Variants in PHF20 observed in about 807,000 individuals in gnomAD.
The protein encoded by PHF20 is glioma-expressed antigen 2.
PHF20 carries 23 observed loss-of-function variants against 113.5 expected under a neutral mutation model. The ratio of observed to expected loss-of-function variants is 0.20; its 90% CI spans 0.15 to 0.29. The LOEUF (loss-of-function observed/expected upper bound fraction) is 0.29, where lower values mean the gene tolerates loss of function less well. PHF20 is among the 10% of genes least tolerant of loss of function. The pLI is 1.00. For missense variants in PHF20, 943 were observed against 1,219.6 expected (o/e 0.77, Z 3.38); for synonymous variants, 434 against 457.3 (o/e 0.95, Z 0.65).
chr20:35,793,446 C>T (rs891983388), intron 1 of PHF20, among the ~76,000 whole-genome samples: 9 of 151,602 alleles, frequency 5.9e-5, no homozygotes, highest in Non-Finnish European at 1.2e-4. Flanking sequence ...ACTACAGGTG[C>T]CCACCACTAA....
At chr20:35,847,583 G>A (rs993207754) in intron 4 of PHF20, 149 bp downstream of exon 4, 5 of 561,002 alleles carry the variant, frequency 8.9e-6, no homozygotes, top group South Asian at 4.5e-5. Context: ...GTCAGGAGTT[G>A]GGTAGAAATT....
At chr20:35,859,184 CTGT>C (rs1360814177) in intron 5 of PHF20, among the ~76,000 whole-genome samples, 1 of 152,118 alleles carries the variant, frequency 6.6e-6, no homozygotes, top group African/African-American at 2.4e-5. Flanking sequence ...TTTTGGTATC[CTGT>C]TGTTCCAGTC....
At chr20:35,940,014 C>T (rs550444631) in intron 16 of PHF20, among the ~76,000 whole-genome samples, 21 of 152,176 alleles carry the variant, frequency 1.4e-4, no homozygotes, top group Admixed American at 4.6e-4. Flanking sequence ...TGATTCTGAG[C>T]GGGTTACTTC....
intron 2 of PHF20, among the ~76,000 whole-genome samples, chr20:35,805,860 A>G (rs954018157): frequency 1.3e-5 from 2 of 150,974 alleles, no homozygotes; most frequent in South Asian, 4.2e-4. Context: ...TATTTTTTTC[A>G]GTTCTTTTTT....
At chr20:35,877,547 T>C (rs2054553571) in intron 9 of PHF20, among the ~76,000 whole-genome samples, 1 of 151,568 alleles carries the variant, frequency 6.6e-6, no homozygotes, top group Admixed American at 6.6e-5. Flanking sequence ...CCTCCCAGGT[T>C]CAAGTGATTC....
intron 10 of PHF20, among the ~76,000 whole-genome samples, chr20:35,909,275 A>G (rs1314509686): frequency 1.8e-3 from 1 of 564 alleles, no homozygotes; most frequent in Admixed American, 0.022. Flanking sequence ...AGTGGCAAAA[A>G]CAGCAATTCT....
At chr20:35,776,833 C>A (rs1383793765) in intron 1 of PHF20, among the ~76,000 whole-genome samples, 1 of 152,180 alleles carries the variant, frequency 6.6e-6, no homozygotes, top group Admixed American at 6.5e-5. Context: ...CCTGCTTCTC[C>A]CCATTTGTAA....
At chr20:35,844,417 G>GT (rs1491291994) in intron 3 of PHF20, among the ~76,000 whole-genome samples, 23 of 127,752 alleles carry the variant, frequency 1.8e-4, no homozygotes, top group Non-Finnish European at 3.2e-4. Context: ...TTTTTTTTTG[G>GT]TTTTTTTTTT....
intron 9 of PHF20, among the ~76,000 whole-genome samples, chr20:35,889,038 A>T (rs1331273305): frequency 7.4e-6 from 1 of 134,802 alleles, no homozygotes; most frequent in Non-Finnish European, 1.6e-5. Flanking sequence ...TTTTTTTGAA[A>T]TGGAGTCTCG....
intron 6 of PHF20, among the ~76,000 whole-genome samples, chr20:35,868,013 G>T (rs1432137265): frequency 1.3e-5 from 2 of 152,128 alleles, no homozygotes; most frequent in Non-Finnish European, 2.9e-5. Flanking sequence ...AATAGTAAGG[G>T]CTGGGCATGG....
At chr20:35,891,016 C>G (rs1356627261) in intron 9 of PHF20, among the ~76,000 whole-genome samples, 1 of 152,184 alleles carries the variant, frequency 6.6e-6, no homozygotes, top group South Asian at 2.1e-4. Context: ...AGGAAACAGT[C>G]TTGGAGAGGC....
rs570493595 is a variant in PHF20 at position 35,878,477 on chromosome 20, C to G, written c.1282+6648C>G. 8.7e-6 allele frequency: 5 copies of G among 572,072 alleles called. No individual in the cohort carries two copies. In the South Asian group the frequency reaches 9.9e-5, roughly 11 times the overall value. 35.4% of individuals were successfully genotyped at this position (572,072 alleles called of 1,614,324 possible). A position where few individuals can be genotyped will look rare whatever the true frequency, so the allele number is the denominator to read the frequency against. ...ACTATGTCGACAAACACAGATGTTT[C>G]CCTTTCTGAATTCATATGATGAAGA... On this transcript the variant is annotated intron_variant, in intron 9 of 17. Coordinates refer to ENST00000374012, the MANE Select transcript of PHF20 (RefSeq NM_016436.5).
intron 2 of PHF20, among the ~76,000 whole-genome samples, chr20:35,827,590 C>T (rs1411253723): frequency 1.3e-5 from 2 of 151,974 alleles, no homozygotes; most frequent in Non-Finnish European, 2.9e-5. Flanking sequence ...CGAGACCATC[C>T]TGGCTAACAC....
At chr20:35,937,857 T>C (rs927138128) in intron 15 of PHF20, among the ~76,000 whole-genome samples, 28 of 152,056 alleles carry the variant, frequency 1.8e-4, no homozygotes, top group Middle Eastern at 3.4e-3. Context: ...TTTAATGTTT[T>C]GTTGTTGTTG....
intron 2 of PHF20, among the ~76,000 whole-genome samples, chr20:35,818,807 G>A (rs1237938118): frequency 2.0e-5 from 3 of 152,210 alleles, no homozygotes; most frequent in East Asian, 1.9e-4. Flanking sequence ...AAAGTGTTGG[G>A]ATTACAGGCA....
At chr20:35,861,938 A>G (rs953083466) in intron 5 of PHF20, among the ~76,000 whole-genome samples, 4 of 152,154 alleles carry the variant, frequency 2.6e-5, no homozygotes, top group Non-Finnish European at 5.9e-5. Flanking sequence ...TCCCATATGA[A>G]CATAGTATGG....
intron 1 of PHF20, among the ~76,000 whole-genome samples, chr20:35,772,471 T>C (rs908601625): frequency 1.3e-5 from 2 of 152,210 alleles, no homozygotes; most frequent in African/African-American, 4.8e-5. Flanking sequence ...CCTCTGCTAT[T>C]GCCTTGCGCT....
intron 3 of PHF20, 140 bp downstream of exon 3, chr20:35,842,884 C>A: frequency 1.5e-6 from 1 of 672,706 alleles, no homozygotes; most frequent in Non-Finnish European, 2.5e-6. Flanking sequence ...CTCTATGACA[C>A]CTGGGGCTCT....
intron 2 of PHF20, among the ~76,000 whole-genome samples, chr20:35,832,513 T>C (rs754996136): frequency 1.6e-4 from 25 of 152,084 alleles, no homozygotes; most frequent in Admixed American, 7.9e-4. Flanking sequence ...AGGAAACATA[T>C]AGGAAACTGA....
Sources: allele counts gnomAD v4.1 joint callset (sites outside exome capture counted in the v4.1 genomes callset), GRCh38; gene constraint gnomAD v4.1.1; transcripts MANE v1.5; gene names NCBI Gene and HGNC (gene_info 2026-07-23, HGNC 2026-07-21).